Variants in NGLY1 observed in about 807,000 individuals in gnomAD.
NGLY1 encodes the protein N-glycanase 1, also known as peptide-N(4)-(N-acetyl-beta-glucosaminyl)asparagine amidase.
NGLY1 carries 68 observed loss-of-function variants against 84.6 expected under a neutral mutation model. The observed-to-expected ratio is 0.80, with a 90% CI of 0.66 to 0.98. The LOEUF (loss-of-function observed/expected upper bound fraction) is 0.98. Ranked by LOEUF, NGLY1 falls within the 50% of genes least tolerant of loss-of-function variation. NGLY1 has a pLI of 0.00. For synonymous variants in NGLY1, 280 were observed against 275.2 expected (o/e 1.02, Z -0.17); for missense variants, 779 against 770.2 (o/e 1.01, Z -0.14).
intron 9 of NGLY1, among the ~76,000 whole-genome samples, chr3:25,730,883 T>C (rs1291158314): frequency 1.3e-5 from 2 of 152,082 alleles, no homozygotes; most frequent in Admixed American, 6.6e-5. Flanking sequence ...TCAAGCATTT[T>C]TCATTGCATA....
At chr3:25,788,905 G>A (rs59776244) in intron 1 of NGLY1, among the ~76,000 whole-genome samples, 1 of 152,298 alleles carries the variant, frequency 6.6e-6, no homozygotes, top group African/African-American at 2.4e-5. Context: ...GACCAACCTG[G>A]AAAGCTAAGC....
At chr3:25,731,051 T>C (rs1195381678) in intron 9 of NGLY1, among the ~76,000 whole-genome samples, 1 of 152,106 alleles carries the variant, frequency 6.6e-6, no homozygotes, top group Non-Finnish European at 1.5e-5. Flanking sequence ...GGAAATTATA[T>C]TTCCATTGTT....
chr3:25,757,633 T>G (rs1424140509), intron 3 of NGLY1, among the ~76,000 whole-genome samples: 1 of 152,112 alleles, frequency 6.6e-6, no homozygotes, highest in Non-Finnish European at 1.5e-5. Flanking sequence ...AAGAATACAG[T>G]CTAATGATAG....
chr3:25,732,979 T>C (rs1329662049), intron 8 of NGLY1, among the ~76,000 whole-genome samples: 1 of 152,218 alleles, frequency 6.6e-6, no homozygotes, highest in Non-Finnish European at 1.5e-5. Context: ...TTCCAGTCAT[T>C]TGTCAATTAT....
At chr3:25,776,350 C>T (rs1320510458) in intron 2 of NGLY1, among the ~76,000 whole-genome samples, 1 of 152,188 alleles carries the variant, frequency 6.6e-6, no homozygotes, top group Non-Finnish European at 1.5e-5. Flanking sequence ...GAATATGTGA[C>T]ACTTCGACAT....
At chr3:25,777,458 G>A (rs374534314) in intron 2 of NGLY1, among the ~76,000 whole-genome samples, 1 of 147,740 alleles carries the variant, frequency 6.8e-6, no homozygotes, top group South Asian at 2.2e-4. Flanking sequence ...TAAAGTCTAA[G>A]TCTTTTGCCA....
At chr3:25,739,348 C>A (rs781641836) in intron 5 of NGLY1, among the ~76,000 whole-genome samples, 1 of 152,112 alleles carries the variant, frequency 6.6e-6, no homozygotes, top group Non-Finnish European at 1.5e-5. Context: ...CTTGTTGCAG[C>A]ATAAAAACAG....
intron 3 of NGLY1, among the ~76,000 whole-genome samples, chr3:25,762,846 C>T (rs1218047453): frequency 5.9e-5 from 9 of 152,028 alleles, no homozygotes; most frequent in Admixed American, 6.6e-5. Context: ...CCCAGCTACT[C>T]GGGAGGCGCA....
intron 1 of NGLY1, among the ~76,000 whole-genome samples, chr3:25,781,152 T>C (rs1445073996): frequency 1.3e-5 from 2 of 152,138 alleles, no homozygotes; most frequent in Non-Finnish European, 2.9e-5. Flanking sequence ...GGTTTAGCCA[T>C]GTTGCCCAGG....
At chr3:25,758,268 G>A (rs1707136767) in intron 3 of NGLY1, among the ~76,000 whole-genome samples, 1 of 152,120 alleles carries the variant, frequency 6.6e-6, no homozygotes, top group Admixed American at 6.6e-5. Context: ...ACATTCATTA[G>A]GTAATATAGT....
At chr3:25,720,957 ATTTG>A (rs1326078662) in intron 10 of NGLY1, among the ~76,000 whole-genome samples, 1 of 67,276 alleles carries the variant, frequency 1.5e-5, no homozygotes, top group East Asian at 8.9e-4. Flanking sequence ...AATTCTATGT[ATTTG>A]TTTGAAATCT....
chr3:25,741,841 G>GA (rs1002441216), intron 4 of NGLY1, among the ~76,000 whole-genome samples: 1 of 147,846 alleles, frequency 6.8e-6, no homozygotes, highest in Non-Finnish European at 1.5e-5. Flanking sequence ...AAATACAAAA[G>GA]AAAAAAAAAA....
At chr3:25,723,408 G>A (rs1417119717) in intron 10 of NGLY1, among the ~76,000 whole-genome samples, 1 of 152,146 alleles carries the variant, frequency 6.6e-6, no homozygotes, top group African/African-American at 2.4e-5. Context: ...AGTATATGGA[G>A]ATAAAACACC....
At chr3:25,785,334 TG>T (rs1708579710), upstream of NGLY1, among the ~76,000 whole-genome samples, 1 of 151,948 alleles carries the variant, frequency 6.6e-6, no homozygotes, top group Admixed American at 6.6e-5. Flanking sequence ...GGGGAGAGTC[TG>T]GGAAATGTAG....
intron 4 of NGLY1, among the ~76,000 whole-genome samples, chr3:25,744,500 A>C (rs974731937): frequency 2.0e-5 from 3 of 152,228 alleles, no homozygotes; most frequent in Admixed American, 6.5e-5. Context: ...CACTAATGAA[A>C]GAAAATCACC....
chr3:25,766,133 T>G (rs1486120759), intron 2 of NGLY1, among the ~76,000 whole-genome samples: 1 of 151,372 alleles, frequency 6.6e-6, no homozygotes, highest in Non-Finnish European at 1.5e-5. Flanking sequence ...TGGTGTGATC[T>G]CGGCTCACTG....
intron 9 of NGLY1, among the ~76,000 whole-genome samples, chr3:25,731,495 G>GA (rs1213426854): frequency 2.0e-5 from 3 of 152,080 alleles, no homozygotes; most frequent in Non-Finnish European, 4.4e-5. Context: ...TACTGCTGGT[G>GA]AGAGTATAAG....
upstream of NGLY1, among the ~76,000 whole-genome samples, chr3:25,785,666 T>G (rs543684595): frequency 1.1e-3 from 65 of 59,958 alleles, no homozygotes; most frequent in Middle Eastern, 0.033. Flanking sequence ...AGACCCCATC[T>G]CTACAAAAAA....
intron 10 of NGLY1, among the ~76,000 whole-genome samples, chr3:25,721,769 A>G (rs1218082344): frequency 1.3e-4 from 19 of 150,166 alleles, no homozygotes; most frequent in Admixed American, 2.7e-4. Context: ...AAAAAAAAAA[A>G]AAAAAGAAAA....
Sources: allele counts gnomAD v4.1 joint callset (sites outside exome capture counted in the v4.1 genomes callset), GRCh38; gene constraint gnomAD v4.1.1; transcripts MANE v1.5; gene names NCBI Gene and HGNC (gene_info 2026-07-23, HGNC 2026-07-21).